Variants in NGEF observed in about 807,000 individuals in gnomAD.
The protein encoded by NGEF is ephexin-1.
NGEF carries 31 observed loss-of-function variants against 80.9 expected under a neutral mutation model. The ratio of observed to expected loss-of-function variants is 0.38; its 90% CI spans 0.29 to 0.52. The LOEUF (loss-of-function observed/expected upper bound fraction) is 0.52. Ranked by LOEUF, NGEF falls within the 20% of genes least tolerant of loss-of-function variation. The pLI is 0.84. For missense variants in NGEF, 709 were observed against 926.2 expected (o/e 0.77, Z 3.04); for synonymous variants, 371 against 370.2 (o/e 1.00, Z -0.03).
chr2:232,882,188 A>G lies in NGEF; in HGVS notation c.1835T>C (p.Leu612Pro). ...TKFVSFTSRL[L>P]DCPQVQCVHP... ...CCCCTTACCCACCGGTGACTTACCC[A>G]GCAGCCGGGATGTGAACGAAACAAA... The change falls in exon 13 of 15, where the codon CTG becomes CCG. Residue 612 changes from leucine (L) to proline (P), a missense_variant and splice_region_variant. Leu to Pro is a moderately conservative substitution (Grantham distance 98). This residue lies in a region of NGEF where 426 missense variants were observed against 622.9 expected (regional missense o/e 0.68). Coordinates refer to ENST00000264051, the MANE Select transcript of NGEF (RefSeq NM_019850.3). The G allele has an allele frequency of 6.2e-7, 1 of 1,613,568 alleles. No homozygotes were observed. The highest frequency in any genetic ancestry group is 1.1e-5 in the South Asian group (1 of 90,956).
intron 9 of NGEF, among the ~76,000 whole-genome samples, chr2:232,887,358 G>A (rs1691726112): frequency 6.6e-6 from 1 of 152,206 alleles, no homozygotes; most frequent in African/African-American, 2.4e-5. Context: ...ACCTCTAGGA[G>A]GAGCCGTCTC....
chr2:232,907,014 A>T (rs1374825529), intron 5 of NGEF, among the ~76,000 whole-genome samples: 1 of 151,438 alleles, frequency 6.6e-6, no homozygotes, highest in East Asian at 2.0e-4. Context: ...ACCACTCCCT[A>T]ATCTCAAGTA....
At chr2:232,985,548 C>T (rs1331313343) in intron 1 of NGEF, among the ~76,000 whole-genome samples, 3 of 151,322 alleles carry the variant, frequency 2.0e-5, no homozygotes, top group East Asian at 2.0e-4. Context: ...GTCAGCAGAT[C>T]GAGACCATCC....
intron 1 of NGEF, among the ~76,000 whole-genome samples, chr2:232,992,588 T>A (rs1237725639): frequency 1.3e-5 from 2 of 151,202 alleles, no homozygotes; most frequent in East Asian, 3.9e-4. Flanking sequence ...GAAAAGAAAA[T>A]TCTCACAGAA....
intron 3 of NGEF, chr2:232,928,258 G>A: frequency 2.6e-6 from 2 of 760,284 alleles, no homozygotes; most frequent in Non-Finnish European, 3.2e-6. Flanking sequence ...GCGGGGCGGG[G>A]GCGCCCGGGC....
chr2:232,916,539 A>G (rs775058010), intron 5 of NGEF, among the ~76,000 whole-genome samples: 1 of 152,244 alleles, frequency 6.6e-6, no homozygotes, highest in Non-Finnish European at 1.5e-5. Context: ...AACCCAACAG[A>G]AAAGGGGGAA....
chr2:233,004,437 C>T (rs1032354141), intron 1 of NGEF, among the ~76,000 whole-genome samples: 1 of 152,230 alleles, frequency 6.6e-6, no homozygotes, highest in Admixed American at 6.5e-5. Flanking sequence ...TTGGCCTTGA[C>T]TCCAGGCTGA....
At chr2:232,995,230 CTGTGTACAGTATGTATACTGTATA>C (rs1694774628) in intron 1 of NGEF, among the ~76,000 whole-genome samples, 1 of 24,722 alleles carries the variant, frequency 4.0e-5, no homozygotes, top group Non-Finnish European at 7.6e-5. Flanking sequence ...AGTATGTATG[CTGTGTACAGTATGTATACTGTATA>C]TGTGTACAGT....
intron 1 of NGEF, among the ~76,000 whole-genome samples, chr2:233,001,840 C>A (rs1403854578): frequency 6.6e-6 from 1 of 152,078 alleles, no homozygotes; most frequent in Non-Finnish European, 1.5e-5. Context: ...CATGGTGAAA[C>A]CCTGTCTCTA....
chr2:232,978,979 G>A (rs1448396714), intron 1 of NGEF, among the ~76,000 whole-genome samples: 2 of 152,180 alleles, frequency 1.3e-5, no homozygotes, highest in African/African-American at 2.4e-5. Flanking sequence ...CTGCTCTGTC[G>A]ACGTTGCCTG....
intron 1 of NGEF, among the ~76,000 whole-genome samples, chr2:232,997,762 T>C (rs72980037): frequency 0.2 from 30,813 of 152,098 alleles, 3,824 homozygotes; most frequent in Non-Finnish European, 0.28. Flanking sequence ...TCTGTCCTTT[T>C]CCTCTGTTGG....
At position 233,001,792 on chromosome 2, in the gene NGEF, A is replaced by C. The variant is rs1694984354; in HGVS notation, c.-75+11276T>G. ...TACTTTGGGAGGCCGAGGCGGGTGG[A>C]TCACCTGAGGTCAGGAGTTTGAGAC... On this transcript the variant is annotated intron_variant, in intron 1 of 14. Coordinates refer to ENST00000264051, the MANE Select transcript of NGEF (RefSeq NM_019850.3). Among the ~76,000 whole-genome samples the C allele has an allele frequency of 3.3e-5, 5 of 151,888 alleles. No homozygotes were observed. The South Asian group carries it at 1.0e-3, about 31-fold the overall frequency.
chr2:232,901,566 T>C (rs895754135), intron 5 of NGEF: 8 of 387,700 alleles, frequency 2.1e-5, no homozygotes, highest in Non-Finnish European at 2.8e-5. Context: ...CAGCAGACCG[T>C]GGACTGAAGG....
intron 1 of NGEF, chr2:233,012,820 C>A (rs759574407): frequency 2.1e-6 from 1 of 470,768 alleles, no homozygotes; most frequent in Non-Finnish European, 4.4e-6. Flanking sequence ...AATGGAAGAG[C>A]GCCTGGAAGG....
chr2:232,915,563 A>G (rs901968142), intron 5 of NGEF, among the ~76,000 whole-genome samples: 2 of 152,192 alleles, frequency 1.3e-5, no homozygotes, highest in East Asian at 1.9e-4. Context: ...TATAAAGTTC[A>G]GTACAAATCT....
intron 3 of NGEF, among the ~76,000 whole-genome samples, chr2:232,954,564 A>G (rs992841683): frequency 6.6e-5 from 10 of 151,962 alleles, no homozygotes; most frequent in Admixed American, 1.3e-4. Context: ...TCTCTACTAA[A>G]AATACAAAAA....
rs200656014 is a variant in NGEF at position 232,908,395 on chromosome 2, CATTT to C, written c.828+11885_828+11888del. Reference sequence around the variant, plus strand: ...CTTATCAGCTGTGTTTGAAAGTGCTCATTTAGAGTCCCTCAACACTAGGTTTTAA... The same window carrying C: ...CTTATCAGCTGTGTTTGAAAGTGCTCAGAGTCCCTCAACACTAGGTTTTAA... On this transcript the variant is annotated intron_variant, in intron 5 of 14. Coordinates refer to ENST00000264051, the MANE Select transcript of NGEF (RefSeq NM_019850.3). Among the ~76,000 whole-genome samples the C allele has an allele frequency of 8.8e-3, 1,333 of 152,214 alleles. 31 individuals are homozygous for C. The highest frequency in any genetic ancestry group is 0.051 in the Admixed American group (773 of 15,290).
intron 5 of NGEF, among the ~76,000 whole-genome samples, chr2:232,915,430 A>G (rs566714181): frequency 2.0e-5 from 3 of 152,064 alleles, no homozygotes; most frequent in Non-Finnish European, 4.4e-5. Flanking sequence ...AATTCTTTCT[A>G]TTCTTTGGAA....
intron 3 of NGEF, among the ~76,000 whole-genome samples, chr2:232,929,840 C>T (rs1574619044): frequency 6.6e-6 from 1 of 152,154 alleles, no homozygotes; most frequent in Non-Finnish European, 1.5e-5. Flanking sequence ...ATAATTCTCA[C>T]GTGTTGTGGG....
Sources: gnomAD v4.1 joint callset for allele counts (sites outside exome capture counted in the v4.1 genomes callset) on GRCh38, gnomAD v4.1.1 for gene constraint, gnomAD v4.1.1 regional missense constraint, MANE v1.5 for transcripts, NCBI Gene and HGNC (gene_info 2026-07-23, HGNC 2026-07-21) for gene names.